Variants in MARCHF6 observed in about 807,000 individuals in gnomAD.
MARCHF6 encodes E3 ubiquitin-protein ligase MARCHF6.
MARCHF6 carries 31 observed loss-of-function variants against 133.7 expected under a neutral mutation model. The ratio of observed to expected loss-of-function variants is 0.23; its 90% CI spans 0.17 to 0.31. The LOEUF (loss-of-function observed/expected upper bound fraction) is 0.31, where lower values mean the gene tolerates loss of function less well. Ranked by LOEUF, MARCHF6 falls within the 10% of genes least tolerant of loss-of-function variation. The probability of loss-of-function intolerance (pLI) is 1.00; values close to 1 mark genes in which losing one functional copy is unlikely to be tolerated. For synonymous variants in MARCHF6, 395 were observed against 402.5 expected (o/e 0.98, Z 0.22); for missense variants, 723 against 1,121.6 (o/e 0.64, Z 5.08).
Position 10,435,665 on chromosome 5 carries a change from A to G in MARCHF6, c.*1981A>G. On this transcript the variant is annotated 3_prime_UTR_variant, in exon 26 of 26. Transcript: ENST00000274140. ...TATATATATATATATATATATATAT[A>G]TATATATATATATATATATATATAT... 1.3e-4 allele frequency: 1 copy of G among 7,708 alleles called. No homozygotes were observed. The highest frequency in any genetic ancestry group is 9.9e-4 in the African/African-American group (1 of 1,006). 0.5% of individuals were successfully genotyped at this position (7,708 alleles called of 1,614,324 possible).
At position 10,434,650 on chromosome 5, in the gene MARCHF6, A is replaced by G. The variant is rs906953650; in HGVS notation, c.*966A>G. 1 of 152,482 alleles carries G rather than the reference A, an allele frequency of 6.6e-6. No individual in the cohort carries two copies. The highest frequency in any genetic ancestry group is 2.4e-5 in the African/African-American group (1 of 41,410). The allele number at this position is 152,482 out of a possible 1,614,324, so 9.4% of individuals were successfully genotyped here. A position where few individuals can be genotyped will look rare whatever the true frequency, so the allele number is the denominator to read the frequency against. ...AGGACTTCTGAGATGCTTGTGAAGT[A>G]TAGATGTGGTTGTGGTCTTAGATTG... On this transcript the variant is annotated 3_prime_UTR_variant, in exon 26 of 26. Transcript: ENST00000274140.
At chr5:10,360,235 C>T (rs1440286417) in intron 1 of MARCHF6, among the ~76,000 whole-genome samples, 6 of 148,598 alleles carry the variant, frequency 4.0e-5, no homozygotes, top group South Asian at 2.2e-4. Context: ...TTGCAACCTC[C>T]GCCTCCCAGG....
rs115129286 is a variant in MARCHF6, at chr5:10,397,246, C to T, written c.862-47C>T. Reference sequence around the variant, plus strand: ...AAGTGGAATAGTCCAATTAAACATACATTAAGTATGAATTGAATATGCTTT... The same window carrying T: ...AAGTGGAATAGTCCAATTAAACATATATTAAGTATGAATTGAATATGCTTT... On this transcript the variant is annotated intron_variant, in intron 9 of 25. Coordinates refer to ENST00000274140, the MANE Select transcript of MARCHF6 (RefSeq NM_005885.4). The T allele has an allele frequency of 2.1e-4, 280 of 1,350,580 alleles. 2 individuals are homozygous for T. The African/African-American group carries it at 3.9e-3, about 19-fold the overall frequency. 83.7% of individuals were successfully genotyped at this position (1,350,580 alleles called of 1,614,324 possible). A position where few individuals can be genotyped will look rare whatever the true frequency, so the allele number is the denominator to read the frequency against.
intron 14 of MARCHF6, among the ~76,000 whole-genome samples, 195 bp downstream of exon 14, chr5:10,402,802 G>A (rs558595894): frequency 6.6e-6 from 1 of 152,232 alleles, no homozygotes; most frequent in South Asian, 2.1e-4. Context: ...GCAAATTTTT[G>A]ATGTCAGGAT....
chr5:10,378,327 A>G (rs1381214813), intron 2 of MARCHF6, among the ~76,000 whole-genome samples: 1 of 152,202 alleles, frequency 6.6e-6, no homozygotes, highest in Non-Finnish European at 1.5e-5. Flanking sequence ...GAGGTGGAGT[A>G]TTATTATTAT....
rs1740648040 is a variant in MARCHF6, at chr5:10,436,180, A to G, written c.*2496A>G. 1 of 152,220 alleles carries G rather than the reference A, an allele frequency of 6.6e-6. No homozygotes were observed. The highest frequency in any genetic ancestry group is 2.4e-5 in the African/African-American group (1 of 41,464). The allele number at this position is 152,220 out of a possible 1,614,324, so 9.4% of individuals were successfully genotyped here. ...AAAGGTTAAAAATTCTTAATCCTAC[A>G]GAATTTTAAATGAATCTTATCAATG... On this transcript the variant is annotated 3_prime_UTR_variant, in exon 26 of 26. Transcript: ENST00000274140.
At chr5:10,411,241 C>T in intron 18 of MARCHF6, 92 bp from the exon 19 acceptor site, 4 of 983,742 alleles carry the variant, frequency 4.1e-6, no homozygotes, top group South Asian at 2.9e-5. Flanking sequence ...CATTTTCTAC[C>T]CTTAGTAGTA....
intron 4 of MARCHF6, among the ~76,000 whole-genome samples, chr5:10,382,554 G>A (rs189242671): frequency 1.4e-4 from 21 of 152,036 alleles, no homozygotes; most frequent in Non-Finnish European, 2.2e-4. Context: ...ATGGCCAGGC[G>A]TGGTGACTCA....
Position 10,435,647 on chromosome 5 carries a change from A to AAC in MARCHF6, c.*1963_*1964insAC, listed in dbSNP as rs1740583641. ...ACTATATAACTATATAACTATATAT[A>AAC]TATATATATATATATATATATATAT... On this transcript the variant is annotated 3_prime_UTR_variant, in exon 26 of 26. Coordinates refer to ENST00000274140, the MANE Select transcript of MARCHF6 (RefSeq NM_005885.4). 1.3e-3 allele frequency: 2 copies of AAC among 1,600 alleles called. No homozygotes were observed. Among genetic ancestry groups the AAC allele is most frequent in the South Asian group, 0.018 (1 of 56 alleles). The allele number at this position is 1,600 out of a possible 1,614,324, so 0.1% of individuals were successfully genotyped here.
At chr5:10,383,165 T>TA (rs1409960481) in intron 4 of MARCHF6, among the ~76,000 whole-genome samples, 2 of 152,196 alleles carry the variant, frequency 1.3e-5, no homozygotes, top group African/African-American at 4.8e-5. Context: ...TAGCAGAATA[T>TA]AGGTACTGTT....
intron 1 of MARCHF6, among the ~76,000 whole-genome samples, chr5:10,366,571 G>A (rs771797779): frequency 6.6e-6 from 1 of 152,130 alleles, no homozygotes. Context: ...GGGGACAAAT[G>A]TAGAAATGAA....
In MARCHF6 at chr5:10,362,926, A is replaced by G. The variant is rs139111448; in HGVS notation, c.19+9009A>G. Among the ~76,000 whole-genome samples the G allele has an allele frequency of 2.0e-3, 300 of 152,322 alleles. 5 individuals are homozygous for G. Among genetic ancestry groups the G allele is most frequent in the Non-Finnish European group, 6.6e-4 (45 of 68,024 alleles). ...ATTTTTGGACAGAAGTGCAAAAGCA[A>G]TTGCATAAAATATAAAGGATATCGT... On this transcript the variant is annotated intron_variant, in intron 1 of 25. Transcript: ENST00000274140.
intron 25 of MARCHF6, among the ~76,000 whole-genome samples, chr5:10,431,921 T>G (rs928854507): frequency 6.6e-6 from 1 of 152,190 alleles, no homozygotes; most frequent in African/African-American, 2.4e-5. Context: ...CTTCACTGTT[T>G]AAAATATTTA....
At chr5:10,402,282 G>T in intron 12 of MARCHF6, 102 bp from the exon 13 acceptor site, 1 of 1,221,042 alleles carries the variant, frequency 8.2e-7, no homozygotes, top group South Asian at 1.2e-5. Flanking sequence ...GACAAAATGT[G>T]AAATAAATTA....
intron 23 of MARCHF6, among the ~76,000 whole-genome samples, chr5:10,425,240 A>G (rs1740021850): frequency 6.6e-6 from 1 of 152,074 alleles, no homozygotes; most frequent in Non-Finnish European, 1.5e-5. Flanking sequence ...TGTGTCTCTA[A>G]AGTATGGGCT....
Position 10,402,705 on chromosome 5 carries a change from G to C in MARCHF6, c.1197+98G>C, listed in dbSNP as rs577792350. The C allele has an allele frequency of 1.1e-4, 117 of 1,044,452 alleles. 1 individual carries two copies. In the South Asian group the frequency reaches 1.1e-3, roughly 10 times the overall value. 64.7% of individuals were successfully genotyped at this position (1,044,452 alleles called of 1,614,324 possible). A position where few individuals can be genotyped will look rare whatever the true frequency, so the allele number is the denominator to read the frequency against. On this transcript the variant is annotated intron_variant, in intron 14 of 25. Transcript: ENST00000274140. Reference sequence around the variant, plus strand: ...TCTTTTTAAAGGAAAGCAAATATTTGATAATTTGCTTATTCTTTTGGCATG... The same window carrying C: ...TCTTTTTAAAGGAAAGCAAATATTTCATAATTTGCTTATTCTTTTGGCATG...
chr5:10,373,519 A>C (rs1436490841), intron 1 of MARCHF6, among the ~76,000 whole-genome samples: 1 of 152,046 alleles, frequency 6.6e-6, no homozygotes, highest in Non-Finnish European at 1.5e-5. Flanking sequence ...TGAGCCCACC[A>C]AGTGACCAAT....
intron 4 of MARCHF6, among the ~76,000 whole-genome samples, 186 bp downstream of exon 4, chr5:10,382,129 T>G (rs1737184458): frequency 6.6e-6 from 1 of 152,196 alleles, no homozygotes. Flanking sequence ...ACAGGTCAGT[T>G]TTTTGAGTGA....
chr5:10,433,514 A>G, intron 25 of MARCHF6, 80 bp from the exon 26 acceptor site: 2 of 1,060,810 alleles, frequency 1.9e-6, no homozygotes, highest in Non-Finnish European at 2.9e-6. Flanking sequence ...TTTAAGTAGG[A>G]GTTAGATTTA....
Sources: allele counts gnomAD v4.1 joint callset (sites outside exome capture counted in the v4.1 genomes callset), GRCh38; gene constraint gnomAD v4.1.1; transcripts MANE v1.5; gene names NCBI Gene and HGNC (gene_info 2026-07-23, HGNC 2026-07-21).